FER: variants seen among roughly 807,000 people sequenced by gnomAD.
FER encodes the protein FER tyrosine kinase, also known as tyrosine-protein kinase Fer.
In FER, 63 loss-of-function variants were observed where a neutral mutation model predicts 111.0. The ratio of observed to expected loss-of-function variants is 0.57; its 90% CI spans 0.46 to 0.70. The LOEUF (loss-of-function observed/expected upper bound fraction) is 0.70. FER is among the 30% of genes least tolerant of loss of function. FER has a pLI of 0.00. For missense variants in FER, 914 were observed against 954.0 expected, an observed-to-expected ratio of 0.96 and a Z score of 0.55; for synonymous variants, 327 against 313.9, an observed-to-expected ratio of 1.04 and a Z score of -0.44.
intron 13 of FER, among the ~76,000 whole-genome samples, chr5:108,962,460 G>C (rs1313795132): frequency 6.6e-6 from 1 of 151,920 alleles, no homozygotes; most frequent in East Asian, 1.9e-4. Context: ...ATTTCTCTTT[G>C]TCATGCTAAC....
intron 2 of FER, among the ~76,000 whole-genome samples, chr5:108,776,745 A>T (rs1305477335): frequency 6.6e-6 from 1 of 152,242 alleles, no homozygotes; most frequent in Non-Finnish European, 1.5e-5. Flanking sequence ...GTTTTAAATC[A>T]GTATTTATGG....
intron 3 of FER, among the ~76,000 whole-genome samples, chr5:108,804,509 A>G (rs1756996171): frequency 6.6e-6 from 1 of 152,060 alleles, no homozygotes; most frequent in Non-Finnish European, 1.5e-5. Flanking sequence ...TATTCCTTCC[A>G]TGCCTAGTTT....
At chr5:108,868,032 C>G in intron 6 of FER, 82 bp downstream of exon 6, 3 of 1,348,828 alleles carry the variant, frequency 2.2e-6, no homozygotes, top group Non-Finnish European at 2.0e-6. Context: ...GGTGTTGCTT[C>G]ATAAGTTTTA....
At chr5:109,059,623 A>G (rs1774123645) in intron 16 of FER, among the ~76,000 whole-genome samples, 1 of 152,190 alleles carries the variant, frequency 6.6e-6, no homozygotes, top group African/African-American at 2.4e-5. Context: ...ACATGTAATG[A>G]CAAACGTACA....
intron 8 of FER, among the ~76,000 whole-genome samples, chr5:108,880,482 G>A (rs1158778326): frequency 6.6e-6 from 1 of 152,120 alleles, no homozygotes; most frequent in East Asian, 1.9e-4. Flanking sequence ...AGTTGGAACA[G>A]CAAAGCATTA....
intron 5 of FER, among the ~76,000 whole-genome samples, chr5:108,845,028 AT>A (rs1761826849): frequency 1.8e-5 from 1 of 55,004 alleles, no homozygotes; most frequent in Non-Finnish European, 3.5e-5. Flanking sequence ...ATATATATAT[AT>A]ATATATATAT....
intron 16 of FER, among the ~76,000 whole-genome samples, chr5:109,072,948 A>G (rs919123732): frequency 1.3e-5 from 2 of 152,060 alleles, no homozygotes; most frequent in Admixed American, 6.6e-5. Context: ...TGTCTCTGCA[A>G]TCACATAGCC....
chr5:109,091,503 G>A (rs945342273), intron 16 of FER, among the ~76,000 whole-genome samples: 25 of 152,178 alleles, frequency 1.6e-4, no homozygotes, highest in Admixed American at 1.6e-3. Flanking sequence ...AACTGCCGCG[G>A]GCAAAGAGCC....
rs897310228 is a variant in FER at position 109,094,909 on chromosome 5, T to G, written c.1925-5487T>G. Among the ~76,000 whole-genome samples, 21 of 152,170 alleles carry G rather than the reference T, an allele frequency of 1.4e-4. 1 individual carries two copies. Among genetic ancestry groups the G allele is most frequent in the African/African-American group, 4.8e-4 (20 of 41,464 alleles). On this transcript the variant is annotated intron_variant, in intron 16 of 19. Transcript: ENST00000281092. Reference sequence around the variant, plus strand: ...CTTCTAATGCAAACATTCTGAGTGTTTGTCAAAGTTGACTATGGCATCTCT... The same window carrying G: ...CTTCTAATGCAAACATTCTGAGTGTGTGTCAAAGTTGACTATGGCATCTCT...
intron 16 of FER, chr5:109,052,413 T>C: frequency 6.6e-7 from 1 of 1,519,894 alleles, no homozygotes. Context: ...TTAAGTAGGC[T>C]TGAACCTTGT....
chr5:108,910,044 CAAAGTATT>C (rs1319945157), intron 10 of FER, among the ~76,000 whole-genome samples: 4 of 151,690 alleles, frequency 2.6e-5, no homozygotes, highest in African/African-American at 9.7e-5. Flanking sequence ...GCTCTTGTGA[CAAAGTATT>C]AATGTTTGTA....
At chr5:109,119,274 G>A (rs1750662752) in intron 17 of FER, among the ~76,000 whole-genome samples, 1 of 152,208 alleles carries the variant, frequency 6.6e-6, no homozygotes, top group Admixed American at 6.5e-5. Context: ...GTACCCAGTA[G>A]TCATTCAGGA....
At chr5:109,019,748 C>A (rs1395302084) in intron 13 of FER, among the ~76,000 whole-genome samples, 1 of 151,760 alleles carries the variant, frequency 6.6e-6, no homozygotes, top group African/African-American at 2.4e-5. Flanking sequence ...TTCTTCCCTG[C>A]AATCCCAGGG....
At position 108,835,777 on chromosome 5, in the gene FER, A is replaced by G; in HGVS notation, c.451A>G (p.Lys151Glu). ...ATTAATAAAAGAAATGAATTCTGCC[A>G]AAGAGAAATATAAAGAAGCTTTAGC... ...RQLIKEMNSA[K>E]EKYKEALAKG... The change falls in exon 5 of 20, where the codon AAA (lysine) becomes GAA (glutamate). Residue 151 changes from lysine (K) to glutamate (E), a missense_variant. By Grantham distance (56) the Lys-to-Glu change is moderately conservative. Coordinates refer to ENST00000281092, the MANE Select transcript of FER (RefSeq NM_005246.4). 6.4e-7 allele frequency: 1 copy of G among 1,561,796 alleles called. No homozygotes were observed.
intron 10 of FER, among the ~76,000 whole-genome samples, chr5:108,928,995 A>T (rs1404406843): frequency 6.6e-6 from 1 of 152,030 alleles, no homozygotes; most frequent in African/African-American, 2.4e-5. Flanking sequence ...CTTTATTTTG[A>T]TGAATAAATA....
chr5:108,857,563 C>T (rs1401524093), intron 5 of FER, among the ~76,000 whole-genome samples: 1 of 151,988 alleles, frequency 6.6e-6, no homozygotes, highest in Non-Finnish European at 1.5e-5. Context: ...CGGTGTTACT[C>T]TTCAGATTTT....
chr5:109,094,652 G>C (rs888168877), intron 16 of FER, among the ~76,000 whole-genome samples: 2 of 152,138 alleles, frequency 1.3e-5, no homozygotes, highest in East Asian at 3.8e-4. Flanking sequence ...ATTATAGCAT[G>C]AAAGCAGCAA....
intron 2 of FER, among the ~76,000 whole-genome samples, chr5:108,771,361 A>G (rs550547219): frequency 2.0e-5 from 3 of 152,212 alleles, no homozygotes; most frequent in Admixed American, 1.3e-4. Flanking sequence ...TCCACTTTGC[A>G]TATGGTTATC....
chr5:108,899,568 G>A (rs1581117194), intron 10 of FER, among the ~76,000 whole-genome samples: 1 of 151,970 alleles, frequency 6.6e-6, no homozygotes, highest in Non-Finnish European at 1.5e-5. Flanking sequence ...GGAGGCCGAG[G>A]TGGGTGGATC....
Sources: gnomAD v4.1 joint callset for allele counts (sites outside exome capture counted in the v4.1 genomes callset) on GRCh38, gnomAD v4.1.1 for gene constraint, MANE v1.5 for transcripts, NCBI Gene and HGNC (gene_info 2026-07-23, HGNC 2026-07-21) for gene names.